The following PTPRN2 variants were observed in gnomAD, a reference collection of about 807,000 sequenced individuals.
PTPRN2 encodes protein tyrosine phosphatase receptor type N2.
Under a neutral mutation model 118.8 loss-of-function variants are expected in PTPRN2, and 74 were observed. That is an observed-to-expected ratio of 0.62 (90% CI 0.52 to 0.76). PTPRN2 has a LOEUF of 0.76. Among genes scored for constraint, PTPRN2 ranks in the 30% least tolerant of loss-of-function variants. PTPRN2 has a pLI of 0.00. For missense variants in PTPRN2, 1,481 were observed against 1,394.4 expected, an observed-to-expected ratio of 1.06 and a Z score of -0.99; for synonymous variants, 641 against 608.0, an observed-to-expected ratio of 1.05 and a Z score of -0.80.
intron 19 of PTPRN2, among the ~76,000 whole-genome samples, chr7:157,572,984 C>T (rs572360431): frequency 6.6e-6 from 1 of 152,352 alleles, no homozygotes; most frequent in South Asian, 2.1e-4. Flanking sequence ...TTAGAGGCAA[C>T]AGCACTTGTA....
chr7:157,788,108 G>A (rs2151068839), intron 12 of PTPRN2, among the ~76,000 whole-genome samples: 1 of 152,358 alleles, frequency 6.6e-6, no homozygotes, highest in African/African-American at 2.4e-5. Flanking sequence ...GGGCGCGGTG[G>A]CTCATGCCTG....
chr7:157,978,302 G>A (rs1268396108), intron 11 of PTPRN2, among the ~76,000 whole-genome samples: 2 of 151,990 alleles, frequency 1.3e-5, no homozygotes, highest in African/African-American at 2.4e-5. Flanking sequence ...GAGTGGCTTT[G>A]CAAAGACGTC....
chr7:158,259,562 A>G (rs1586015173), intron 3 of PTPRN2, among the ~76,000 whole-genome samples: 1 of 152,184 alleles, frequency 6.6e-6, no homozygotes, highest in African/African-American at 2.4e-5. Context: ...CCAAAGGTGG[A>G]TTTATAACAA....
At chr7:158,331,074 C>A (rs558608272) in intron 2 of PTPRN2, among the ~76,000 whole-genome samples, 11 of 147,902 alleles carry the variant, frequency 7.4e-5, no homozygotes, top group African/African-American at 2.2e-4. Context: ...CACCCACACT[C>A]TCACCATAAG....
Position 157,615,726 on chromosome 7 carries a change from T to A in PTPRN2, c.2344+5636A>T. Reference sequence around the variant, plus strand: ...GCTGAGAGGGAGGTGACGCAGTGACTCAGGAACCACAAGCTCTGGAGGCTG... The same window carrying A: ...GCTGAGAGGGAGGTGACGCAGTGACACAGGAACCACAAGCTCTGGAGGCTG... On this transcript the variant is annotated intron_variant, in intron 15 of 22. Coordinates refer to ENST00000389418, the MANE Select transcript of PTPRN2 (RefSeq NM_002847.5). The surrounding 1 kb of genome is among the most constrained non-coding windows in gnomAD (Gnocchi z 4.3). 2.4e-6 allele frequency: 1 copy of A among 408,974 alleles called. No homozygotes were observed. 25.3% of individuals were successfully genotyped at this position (408,974 alleles called of 1,614,324 possible).
At chr7:158,066,081 T>C (rs1810751853) in intron 11 of PTPRN2, among the ~76,000 whole-genome samples, 1 of 152,240 alleles carries the variant, frequency 6.6e-6, no homozygotes, top group Non-Finnish European at 1.5e-5. Flanking sequence ...TATGTTTCCA[T>C]TTATTTCCTC....
rs371167795 is a variant in PTPRN2 at position 158,131,343 on chromosome 7, ATT to A, written c.1556+2332_1556+2333del. 9.5e-3 allele frequency among the ~76,000 whole-genome samples: 1,230 copies of A among 128,914 alleles called. 14 individuals are homozygous for A. The highest frequency in any genetic ancestry group is 0.015 in the Non-Finnish European group (919 of 61,178). The allele number at this position is 128,914 out of a possible 152,430, so 84.6% of individuals were successfully genotyped here. A position where few individuals can be genotyped will look rare whatever the true frequency, so the allele number is the denominator to read the frequency against. On this transcript the variant is annotated intron_variant, in intron 9 of 22. Transcript: ENST00000389418. ...CACATACACACTCATACACATGCAC[ATT>A]TGCACAAACCAATACACATCTACCC... is the stretch of plus-strand genomic sequence containing the variant.
At chr7:158,400,312 C>G (rs1178679463) in intron 2 of PTPRN2, among the ~76,000 whole-genome samples, 1 of 152,092 alleles carries the variant, frequency 6.6e-6, no homozygotes, top group Non-Finnish European at 1.5e-5. Context: ...ATGCACAGAA[C>G]CCATGCTGTC....
chr7:158,460,528 C>T lies in PTPRN2; in HGVS notation c.163+29207G>A, dbSNP rs1670371. 3.5e-4 allele frequency among the ~76,000 whole-genome samples: 52 copies of T among 148,550 alleles called. 1 individual carries two copies. Among genetic ancestry groups the T allele is most frequent in the African/African-American group, 1.2e-3 (47 of 40,174 alleles). ...GGACTCTATCTACATGCTCCTCCTACGGGGGCTGTGTGCCGAGACCACAGG... is the reference window on the plus strand; with the variant it reads ...GGACTCTATCTACATGCTCCTCCTATGGGGGCTGTGTGCCGAGACCACAGG... On this transcript the variant is annotated intron_variant, in intron 2 of 22. Transcript: ENST00000389418.
chr7:158,217,806 A>C (rs889552193), intron 3 of PTPRN2, among the ~76,000 whole-genome samples: 1 of 152,252 alleles, frequency 6.6e-6, no homozygotes. Context: ...AATTGGAAGC[A>C]TTAACATCAG....
chr7:157,556,668 A>C (rs185439287), intron 21 of PTPRN2, among the ~76,000 whole-genome samples: 1 of 146,538 alleles, frequency 6.8e-6, no homozygotes, highest in East Asian at 2.0e-4. Context: ...TGCACACCCC[A>C]CACTCACATG....
chr7:157,938,151 G>A (rs1449794675), intron 11 of PTPRN2, among the ~76,000 whole-genome samples: 3 of 152,212 alleles, frequency 2.0e-5, no homozygotes, highest in East Asian at 1.9e-4. Flanking sequence ...TGGGCCCCCC[G>A]CATGGTGCTG....
chr7:158,506,561 C>T (rs745417969), intron 1 of PTPRN2, among the ~76,000 whole-genome samples: 6 of 151,818 alleles, frequency 4.0e-5, no homozygotes, highest in Non-Finnish European at 5.9e-5. Context: ...GCTTAACATC[C>T]GTCTTCTCCT....
chr7:157,993,735 C>CCTGCTGA (rs1804432101), intron 11 of PTPRN2, among the ~76,000 whole-genome samples: 3 of 152,178 alleles, frequency 2.0e-5, no homozygotes, highest in Non-Finnish European at 4.4e-5. Context: ...CAGGAAGAAC[C>CCTGCTGA]CATCCTAGGT....
chr7:157,589,003 A>G (rs982232591), intron 17 of PTPRN2, among the ~76,000 whole-genome samples: 1 of 152,114 alleles, frequency 6.6e-6, no homozygotes, highest in Non-Finnish European at 1.5e-5. Context: ...TGCACAGTGC[A>G]GCGGCAGTAA....
intron 3 of PTPRN2, among the ~76,000 whole-genome samples, chr7:158,257,601 C>A (rs1797114625): frequency 6.6e-6 from 1 of 152,194 alleles, no homozygotes; most frequent in African/African-American, 2.4e-5. Flanking sequence ...AGCAAGCGTG[C>A]AGCAGCGAGA....
At position 157,656,487 on chromosome 7, in the gene PTPRN2, C is replaced by CGTG; in HGVS notation, c.2063_2065dup (p.Ser688_Arg689insPro). The CGTG allele has an allele frequency of 6.4e-7, 1 of 1,554,728 alleles. No homozygotes were observed. Among genetic ancestry groups the CGTG allele is most frequent in the Non-Finnish European group, 8.7e-7 (1 of 1,153,364 alleles). ...GAACTGGGATGAGACGCTGCTGATG[C>CGTG]GTGACGTGTGCGGGCCCTCAGGTCG... On this transcript the variant is annotated inframe_insertion, in exon 14 of 23. Coordinates refer to ENST00000389418, the MANE Select transcript of PTPRN2 (RefSeq NM_002847.5).
In PTPRN2 at chr7:158,278,405, C is replaced by T. The variant is rs188633325; in HGVS notation, c.277+38414G>A. Among the ~76,000 whole-genome samples the T allele has an allele frequency of 3.1e-4, 45 of 146,036 alleles. No individual in the cohort carries two copies. In the South Asian group the frequency reaches 8.2e-3, roughly 27 times the overall value. ...GTGGGCACCTGTAATCCCAGCTACG[C>T]GGGAGGCTGCGGGTGAAGGTGGGCG... On this transcript the variant is annotated intron_variant, in intron 3 of 22. Coordinates refer to ENST00000389418, the MANE Select transcript of PTPRN2 (RefSeq NM_002847.5).
At chr7:158,049,951 G>A (rs1348446124) in intron 11 of PTPRN2, among the ~76,000 whole-genome samples, 1 of 152,064 alleles carries the variant, frequency 6.6e-6, no homozygotes, top group East Asian at 1.9e-4. Context: ...GTTCTTATTT[G>A]TTGCAATGTA....
Sources: allele counts gnomAD v4.1 joint callset (sites outside exome capture counted in the v4.1 genomes callset), GRCh38; gene constraint gnomAD v4.1.1; non-coding constraint Gnocchi (gnomAD v3.1); transcripts MANE v1.5; gene names NCBI Gene and HGNC (gene_info 2026-07-23, HGNC 2026-07-21).